Variants in FTO observed in about 807,000 individuals in gnomAD.
FTO encodes alpha-ketoglutarate-dependent dioxygenase FTO.
Under a neutral mutation model 63.9 loss-of-function variants are expected in FTO, and 47 were observed. The ratio of observed to expected loss-of-function variants is 0.74; its 90% CI spans 0.58 to 0.94. The LOEUF (loss-of-function observed/expected upper bound fraction) is 0.94. Ranked by LOEUF, FTO falls within the 40% of genes least tolerant of loss-of-function variation. The pLI is 0.00. For missense variants in FTO, 562 were observed against 618.1 expected (o/e 0.91, Z 0.96); for synonymous variants, 207 against 224.4 (o/e 0.92, Z 0.69).
intron 3 of FTO, 75 bp from the exon 4 acceptor site, chr16:53,844,080 C>G: frequency 8.7e-7 from 1 of 1,155,930 alleles, no homozygotes; most frequent in South Asian, 1.4e-5. Context: ...TCAATTCTTT[C>G]TAAAATAACA....
intron 1 of FTO, among the ~76,000 whole-genome samples, chr16:53,726,310 C>CAA (rs2076152297): frequency 6.6e-6 from 1 of 152,134 alleles, no homozygotes; most frequent in Non-Finnish European, 1.5e-5. Flanking sequence ...TATGTTGAAA[C>CAA]TCGTCCTTCT....
intron 1 of FTO, among the ~76,000 whole-genome samples, chr16:53,731,598 C>T (rs565857236): frequency 1.4e-4 from 21 of 152,252 alleles, no homozygotes; most frequent in African/African-American, 4.1e-4. Flanking sequence ...CATGGAGTCT[C>T]ACTCTGTAGC....
At chr16:53,989,769 C>T (rs2083757921) in intron 8 of FTO, among the ~76,000 whole-genome samples, 1 of 152,080 alleles carries the variant, frequency 6.6e-6, no homozygotes, top group Non-Finnish European at 1.5e-5. Context: ...CCTGCCTCTC[C>T]TGCCTCCCCT....
chr16:53,891,191 CA>C (rs1327416734), intron 7 of FTO, among the ~76,000 whole-genome samples: 4 of 151,838 alleles, frequency 2.6e-5, no homozygotes, highest in African/African-American at 9.7e-5. Flanking sequence ...GGGGTTTCAC[CA>C]TGTTGGCCAG....
chr16:53,791,593 G>A (rs1410172368), intron 1 of FTO, among the ~76,000 whole-genome samples: 1 of 152,094 alleles, frequency 6.6e-6, no homozygotes, highest in Non-Finnish European at 1.5e-5. Flanking sequence ...TATATGCAGA[G>A]GAATAACTTT....
intron 1 of FTO, among the ~76,000 whole-genome samples, chr16:53,711,968 G>A (rs1010952712): frequency 1.8e-4 from 27 of 152,164 alleles, no homozygotes; most frequent in African/African-American, 6.5e-4. Flanking sequence ...GCTTATACCT[G>A]TAATCCCAAT....
chr16:54,001,570 T>C (rs2084067272), intron 8 of FTO, among the ~76,000 whole-genome samples: 1 of 152,136 alleles, frequency 6.6e-6, no homozygotes, highest in Non-Finnish European at 1.5e-5. Context: ...GACAGGTAAA[T>C]ATTTGTGTTC....
At position 53,994,949 on chromosome 16, in the gene FTO, G is replaced by A. The variant is rs901087800; in HGVS notation, c.1364+60840G>A. Among the ~76,000 whole-genome samples the A allele has an allele frequency of 3.3e-5, 5 of 152,112 alleles. No homozygotes were observed. In the East Asian group the frequency reaches 9.6e-4, roughly 29 times the overall value. On this transcript the variant is annotated intron_variant, in intron 8 of 8. Coordinates refer to ENST00000471389, the MANE Select transcript of FTO (RefSeq NM_001080432.3). ...GGGTTTCACCATGTTGGCCAGGCTG[G>A]TCTCAAACTCCTGACCTCAAGTGAT... is the stretch of plus-strand genomic sequence containing the variant.
intron 1 of FTO, among the ~76,000 whole-genome samples, chr16:53,803,352 C>G (rs1250708335): frequency 6.6e-6 from 1 of 152,110 alleles, no homozygotes; most frequent in Admixed American, 6.5e-5. Context: ...TCTATCCAGG[C>G]TAGATTTTTT....
intron 8 of FTO, among the ~76,000 whole-genome samples, chr16:53,984,630 T>A (rs1322759662): frequency 6.6e-6 from 1 of 152,152 alleles, no homozygotes; most frequent in Non-Finnish European, 1.5e-5. Context: ...CAGAATGTGT[T>A]ACTTTTTAAA....
intron 4 of FTO, among the ~76,000 whole-genome samples, chr16:53,858,303 C>G (rs1471397245): frequency 6.6e-6 from 1 of 152,132 alleles, no homozygotes; most frequent in Non-Finnish European, 1.5e-5. Context: ...GCAATACAAA[C>G]TTTAAAAATA....
At chr16:54,003,750 C>T (rs192787490) in intron 8 of FTO, among the ~76,000 whole-genome samples, 2 of 152,098 alleles carry the variant, frequency 1.3e-5, no homozygotes, top group Admixed American at 6.5e-5. Context: ...CATCTAAACT[C>T]TTATTTAACC....
chr16:54,074,627 C>T (rs2085942660), intron 8 of FTO, among the ~76,000 whole-genome samples: 1 of 152,120 alleles, frequency 6.6e-6, no homozygotes, highest in South Asian at 2.1e-4. Context: ...TTTCTCCTAT[C>T]ATTAGACATT....
chr16:53,834,056 G>T (rs995693265), intron 3 of FTO, among the ~76,000 whole-genome samples: 1 of 151,064 alleles, frequency 6.6e-6, no homozygotes, highest in African/African-American at 2.4e-5. Flanking sequence ...ACGGAGTCTC[G>T]GTCTGTCACC....
At position 54,114,570 on chromosome 16, in the gene FTO, G is replaced by A. The variant is rs1189513437; in HGVS notation, c.*2655G>A. 6.6e-6 allele frequency: 1 copy of A among 152,136 alleles called. No individual in the cohort carries two copies. Among genetic ancestry groups the A allele is most frequent in the Non-Finnish European group, 1.5e-5 (1 of 68,050 alleles). 9.4% of individuals were successfully genotyped at this position (152,136 alleles called of 1,614,324 possible). On this transcript the variant is annotated 3_prime_UTR_variant, in exon 9 of 9. Transcript: ENST00000471389. Reference sequence around the variant, plus strand: ...CTCAAAGTCCTCCAGGTGGAGTCAGGGAATGTGCAACAGGGTTGGAGAAAT... The same window carrying A: ...CTCAAAGTCCTCCAGGTGGAGTCAGAGAATGTGCAACAGGGTTGGAGAAAT...
At chr16:53,935,205 T>C (rs1326424296) in intron 8 of FTO, among the ~76,000 whole-genome samples, 2 of 152,194 alleles carry the variant, frequency 1.3e-5, no homozygotes, top group Non-Finnish European at 2.9e-5. Flanking sequence ...CAGAGTCTTA[T>C]TTGGTGCTTA....
At chr16:54,063,966 A>C (rs1205299974) in intron 8 of FTO, 1 of 146,564 alleles carries the variant, frequency 6.8e-6, no homozygotes, top group African/African-American at 2.7e-5. Flanking sequence ...AAAACAAGAA[A>C]TTACAATAAG....
intron 8 of FTO, among the ~76,000 whole-genome samples, chr16:54,108,258 C>T (rs1031082256): frequency 6.6e-6 from 1 of 152,154 alleles, no homozygotes; most frequent in African/African-American, 2.4e-5. Flanking sequence ...ACTTTATTTC[C>T]TGTAAATACA....
chr16:54,074,121 T>C (rs997089870), intron 8 of FTO, among the ~76,000 whole-genome samples: 3 of 152,090 alleles, frequency 2.0e-5, no homozygotes, highest in African/African-American at 7.2e-5. Flanking sequence ...TCAATACTTC[T>C]GTGAAATTTG....
Sources: gnomAD v4.1 joint callset for allele counts (sites outside exome capture counted in the v4.1 genomes callset) on GRCh38, gnomAD v4.1.1 for gene constraint, MANE v1.5 for transcripts, NCBI Gene and HGNC (gene_info 2026-07-23, HGNC 2026-07-21) for gene names.